The following ZFP41 variants were observed in gnomAD, a reference collection of about 807,000 sequenced individuals.
The protein encoded by ZFP41 is ZFP41 zinc finger protein, also known as zinc finger protein 41 homolog.
ZFP41 carries 10 observed loss-of-function variants against 11.6 expected under a neutral mutation model. The ratio of observed to expected loss-of-function variants is 0.86; its 90% confidence interval spans 0.53 to 1.47. The LOEUF (loss-of-function observed/expected upper bound fraction) is 1.47, where lower values mean the gene tolerates loss of function less well. ZFP41 is among the 40% of genes most tolerant of loss of function. ZFP41 has a pLI of 0.00. For synonymous variants in ZFP41, 123 were observed against 100.9 expected (o/e 1.22, Z -1.31); for missense variants, 302 against 264.6 (o/e 1.14, Z -0.98).
intron 2 of ZFP41, among the ~76,000 whole-genome samples, chr8:143,258,612 C>T (rs2130720153): frequency 6.6e-6 from 1 of 152,276 alleles, no homozygotes; most frequent in South Asian, 2.1e-4. Flanking sequence ...GTGCAGCATT[C>T]ATAGGAACCA....
chr8:143,249,988 G>A lies in ZFP41; in HGVS notation c.145G>A (p.Glu49Lys). The A allele has an allele frequency of 6.2e-7, 1 of 1,614,148 alleles. No individual in the cohort carries two copies. Reference protein sequence around the residue: ...RPTVPRKPRTEPCLSPEDEEH... With the variant: ...RPTVPRKPRTKPCLSPEDEEH... ...CACTGTGCCCAGGAAGCCCCGCACA[G>A]AGCCCTGCCTGAGTCCTGAAGACGA... Residue 49 changes from glutamate to lysine, a missense_variant, in exon 2 of 3, where the codon GAG becomes AAG. Coordinates refer to ENST00000330701, the MANE Select transcript of ZFP41 (RefSeq NM_173832.6).
At chr8:143,252,109 T>C (rs373417577) in intron 2 of ZFP41, among the ~76,000 whole-genome samples, 4 of 152,144 alleles carry the variant, frequency 2.6e-5, no homozygotes, top group African/African-American at 7.2e-5. Context: ...CCCGCAGAAA[T>C]AGAAATAGCC....
In ZFP41 at chr8:143,249,808, A is replaced by T; in HGVS notation, c.-36A>T. The T allele has an allele frequency of 6.5e-7, 1 of 1,534,814 alleles. No individual in the cohort carries two copies. Among genetic ancestry groups the T allele is most frequent in the East Asian group, 2.3e-5 (1 of 44,206 alleles). On this transcript the variant is annotated 5_prime_UTR_variant, in exon 2 of 3. Transcript: ENST00000330701. ...AAGTGGGGCCAACAGAGAGGTCAGC[A>T]GCCCCTTAGCCCTCACGCTTCCAAG...
intron 2 of ZFP41, among the ~76,000 whole-genome samples, chr8:143,252,143 G>T (rs1040674993): frequency 5.9e-5 from 9 of 152,192 alleles, no homozygotes; most frequent in Admixed American, 2.0e-4. Context: ...TAAAACTCCC[G>T]TAAATCCCAG....
intron 1 of ZFP41, 29 bp from the exon 2 acceptor site, chr8:143,249,661 C>A: frequency 1.0e-6 from 1 of 985,326 alleles, no homozygotes; most frequent in Non-Finnish European, 1.4e-6. Flanking sequence ...AACCTTTAAT[C>A]TGAGGTTCAT....
At chr8:143,248,559 G>A (rs751333053) in intron 1 of ZFP41, 1 of 152,314 alleles carries the variant, frequency 6.6e-6, no homozygotes, top group Non-Finnish European at 1.5e-5. Flanking sequence ...CTGCCCATGA[G>A]GCAAACAGCT....
intron 2 of ZFP41, among the ~76,000 whole-genome samples, chr8:143,257,132 G>A (rs924997757): frequency 6.6e-6 from 1 of 152,214 alleles, no homozygotes; most frequent in South Asian, 2.1e-4. Flanking sequence ...GCTGTTAGGA[G>A]AGGAGCTGGA....
chr8:143,255,626 A>G (rs1285363371), intron 2 of ZFP41, among the ~76,000 whole-genome samples: 5 of 96,800 alleles, frequency 5.2e-5, no homozygotes, highest in Admixed American at 2.4e-4. Context: ...ATCAGAGCTC[A>G]CCCCGCGTGC....
chr8:143,259,590 GC>G (rs1238288938), intron 2 of ZFP41, among the ~76,000 whole-genome samples, 184 bp from the exon 3 acceptor site: 1 of 148,730 alleles, frequency 6.7e-6, no homozygotes, highest in Non-Finnish European at 1.5e-5. Flanking sequence ...CCACTTCCAC[GC>G]CCCCCACTGA....
At chr8:143,257,461 C>A (rs976451321) in intron 2 of ZFP41, among the ~76,000 whole-genome samples, 5 of 152,168 alleles carry the variant, frequency 3.3e-5, no homozygotes, top group Admixed American at 3.3e-4. Flanking sequence ...CACGCCATTG[C>A]ACTCCAGCTC....
chr8:143,252,758 T>G, intron 2 of ZFP41: 6 of 442,412 alleles, frequency 1.4e-5, no homozygotes, highest in Non-Finnish European at 1.8e-5. Flanking sequence ...CCCGGGGCTG[T>G]GGTCAGCCCA....
chr8:143,259,026 G>A (rs1219983737), intron 2 of ZFP41, among the ~76,000 whole-genome samples: 2 of 152,218 alleles, frequency 1.3e-5, no homozygotes, highest in African/African-American at 4.8e-5. Context: ...CTTGAGAAAC[G>A]TGTGTGCACG....
chr8:143,251,842 G>A (rs572269918), intron 2 of ZFP41, among the ~76,000 whole-genome samples: 3 of 152,170 alleles, frequency 2.0e-5, no homozygotes, highest in Non-Finnish European at 4.4e-5. Context: ...GGAGCCTTTC[G>A]GCAGGCCTCC....
intron 2 of ZFP41, chr8:143,252,697 G>C (rs1814802590): frequency 1.1e-6 from 1 of 926,978 alleles, no homozygotes; most frequent in African/African-American, 1.8e-5. Context: ...TGATGACTGT[G>C]TCTCACACTA....
In ZFP41 at chr8:143,250,521, C is replaced by T; in HGVS notation, c.*81C>T. The T allele has an allele frequency of 6.5e-7, 1 of 1,546,568 alleles. No individual in the cohort carries two copies. Among genetic ancestry groups the T allele is most frequent in the Non-Finnish European group, 8.7e-7 (1 of 1,146,880 alleles). On this transcript the variant is annotated 3_prime_UTR_variant, in exon 2 of 3. Coordinates refer to ENST00000330701, the MANE Select transcript of ZFP41 (RefSeq NM_173832.6). ...TCCGTGGCTCCCTCGTGTCCCGCGT[C>T]TGATGGGGGCGCAGGGCCGTGCGCA...
In ZFP41 at chr8:143,260,132, C is replaced by CGTGCAGGGAAGCACCCTG. The variant is rs1563730578; in HGVS notation, c.*1258_*1259insGTGCAGGGAAGCACCCTG. On this transcript the variant is annotated 3_prime_UTR_variant, in exon 3 of 3. Coordinates refer to ENST00000330701, the MANE Select transcript of ZFP41 (RefSeq NM_173832.6). The stretch of plus-strand genomic sequence containing the variant: ...CTGAAATCGTGCAGGGAAGCACCCT[C>CGTGCAGGGAAGCACCCTG]TGAAATCGTGCAGGGAAGCACCCTG... 94 of 103,440 alleles carry CGTGCAGGGAAGCACCCTG rather than the reference C, an allele frequency of 9.1e-4. No homozygotes were observed. The highest frequency in any genetic ancestry group is 4.3e-3 in the African/African-American group (87 of 20,448). The allele number at this position is 103,440 out of a possible 1,614,324, so 6.4% of individuals were successfully genotyped here.
intron 2 of ZFP41, among the ~76,000 whole-genome samples, chr8:143,257,389 T>C (rs540919314): frequency 6.6e-6 from 1 of 152,148 alleles, no homozygotes; most frequent in South Asian, 2.1e-4. Flanking sequence ...CCTAGCTACT[T>C]GGGAGGCTGA....
In ZFP41 at chr8:143,249,900, CGTGCAGAAGA is replaced by C; in HGVS notation, c.62_71del (p.Gln21ArgfsTer29). 1 of 1,612,802 alleles carries C rather than the reference CGTGCAGAAGA, an allele frequency of 6.2e-7. No individual in the cohort carries two copies. The highest frequency in any genetic ancestry group is 1.3e-5 in the African/African-American group (1 of 74,916). On this transcript the variant is annotated frameshift_variant, in exon 2 of 3. Coordinates refer to ENST00000330701, the MANE Select transcript of ZFP41 (RefSeq NM_173832.6). LOFTEE classifies it high-confidence loss of function. ...CGCCGACCCCAAGGGAGGAGGCAGA[CGTGCAGAAGA>C]GTGCGCTCAGAGAGGAGAAGGTGTC...
In ZFP41 at chr8:143,249,952, C is replaced by T. The variant is rs148226504; in HGVS notation, c.109C>T (p.Pro37Ser). 488 of 1,614,042 alleles carry T rather than the reference C, an allele frequency of 3.0e-4. 2 individuals are homozygous for T. In the African/African-American group the frequency reaches 5.8e-3, roughly 19 times the overall value. ...GAAGGTGTCCGGGGACAGAAAGCCA[C>T]CTGAGAGGCCCACTGTGCCCAGGAA... ...EEKVSGDRKPPERPTVPRKPR... is the reference protein window; with the variant it reads ...EEKVSGDRKPSERPTVPRKPR... The change falls in exon 2 of 3, where the codon CCT becomes TCT. Residue 37 changes from proline (P) to serine (S), a missense_variant. Transcript: ENST00000330701.
Sources: gnomAD v4.1 joint callset for allele counts (sites outside exome capture counted in the v4.1 genomes callset) on GRCh38, gnomAD v4.1.1 for gene constraint, MANE v1.5 for transcripts, NCBI Gene and HGNC (gene_info 2026-07-23, HGNC 2026-07-21) for gene names.